The following LDB2 variants were observed in gnomAD, a reference collection of about 807,000 sequenced individuals.
LDB2 encodes the protein LIM domain binding 2.
Under a neutral mutation model 44.3 loss-of-function variants are expected in LDB2, and 12 were observed. The ratio of observed to expected loss-of-function variants is 0.27; its 90% confidence interval spans 0.17 to 0.44. LDB2 has a LOEUF of 0.44. LDB2 is among the 20% of genes least tolerant of loss of function. The pLI is 1.00. For missense variants in LDB2, 344 were observed against 473.5 expected (o/e 0.73, Z 2.54); for synonymous variants, 164 against 174.8 (o/e 0.94, Z 0.49).
intron 2 of LDB2, among the ~76,000 whole-genome samples, chr4:16,731,443 C>T (rs1760737708): frequency 6.6e-6 from 1 of 152,128 alleles, no homozygotes; most frequent in Non-Finnish European, 1.5e-5. Context: ...AGATGAGTCC[C>T]ACCTGATGGA....
chr4:16,730,369 T>C (rs911906159), intron 2 of LDB2, among the ~76,000 whole-genome samples: 2 of 152,226 alleles, frequency 1.3e-5, no homozygotes, highest in Non-Finnish European at 2.9e-5. Context: ...CTGTCTCACC[T>C]GTACACTCTA....
intron 5 of LDB2, among the ~76,000 whole-genome samples, chr4:16,579,546 A>T (rs1713422327): frequency 6.6e-6 from 1 of 152,206 alleles, no homozygotes; most frequent in Non-Finnish European, 1.5e-5. Context: ...AAAATTTAAC[A>T]TCGGGAGCTC....
chr4:16,603,036 G>A (rs900849744), intron 2 of LDB2, among the ~76,000 whole-genome samples: 1 of 152,078 alleles, frequency 6.6e-6, no homozygotes, highest in African/African-American at 2.4e-5. Context: ...CCATTATTTC[G>A]ACATATTCAG....
At chr4:16,812,995 A>C (rs1036277623) in intron 1 of LDB2, among the ~76,000 whole-genome samples, 1 of 151,180 alleles carries the variant, frequency 6.6e-6, no homozygotes, top group African/African-American at 2.5e-5. Context: ...GCCTCAGTTT[A>C]CTCTTTTTTT....
At chr4:16,733,353 GAAAAAA>G (rs75067360) in intron 2 of LDB2, among the ~76,000 whole-genome samples, 1 of 145,854 alleles carries the variant, frequency 6.9e-6, no homozygotes, top group Non-Finnish European at 1.5e-5. Context: ...TAAGAATTTG[GAAAAAA>G]AAAAAAAGTT....
chr4:16,694,720 C>A (rs1751684898), intron 2 of LDB2, among the ~76,000 whole-genome samples: 1 of 152,160 alleles, frequency 6.6e-6, no homozygotes, highest in Non-Finnish European at 1.5e-5. Context: ...CATCACATGG[C>A]CAAGAGTCAT....
intron 1 of LDB2, among the ~76,000 whole-genome samples, chr4:16,843,223 G>A (rs1288426219): frequency 1.3e-5 from 2 of 152,090 alleles, no homozygotes; most frequent in Admixed American, 1.3e-4. Context: ...TAAACAGTAA[G>A]ATTATTTTCA....
chr4:16,792,378 CTT>C (rs2109620452), intron 1 of LDB2, among the ~76,000 whole-genome samples: 1 of 152,336 alleles, frequency 6.6e-6, no homozygotes, highest in African/African-American at 2.4e-5. Context: ...TGATTTGTCT[CTT>C]TAATTACCTG....
intron 1 of LDB2, among the ~76,000 whole-genome samples, chr4:16,829,436 AAC>A (rs1561371600): frequency 6.6e-6 from 1 of 152,232 alleles, no homozygotes; most frequent in Non-Finnish European, 1.5e-5. Context: ...TTTATTTGAA[AAC>A]ACAATTTATT....
At chr4:16,690,448 G>A (rs1282513903) in intron 2 of LDB2, among the ~76,000 whole-genome samples, 1 of 122,448 alleles carries the variant, frequency 8.2e-6, no homozygotes, top group African/African-American at 2.9e-5. Context: ...GGCAACCGGA[G>A]GAAGACCCTG....
At chr4:16,820,054 A>G (rs1393630613) in intron 1 of LDB2, among the ~76,000 whole-genome samples, 2 of 152,216 alleles carry the variant, frequency 1.3e-5, no homozygotes, top group Non-Finnish European at 2.9e-5. Context: ...TATGCTGCAA[A>G]ATATTAATTT....
At chr4:16,752,372 A>G (rs747471951) in intron 2 of LDB2, 1 of 448,752 alleles carries the variant, frequency 2.2e-6, no homozygotes, top group Non-Finnish European at 4.5e-6. Context: ...AGATGTGGTA[A>G]TTGTAATTGT....
At chr4:16,529,922 A>G (rs935340552) in intron 5 of LDB2, among the ~76,000 whole-genome samples, 2 of 152,168 alleles carry the variant, frequency 1.3e-5, no homozygotes, top group Non-Finnish European at 2.9e-5. Flanking sequence ...TGTGTTCTTT[A>G]TGCCCTCTGG....
intron 1 of LDB2, among the ~76,000 whole-genome samples, chr4:16,843,838 G>A (rs1054591822): frequency 1.3e-5 from 2 of 151,918 alleles, no homozygotes; most frequent in African/African-American, 4.8e-5. Flanking sequence ...GGCCAGCCTC[G>A]AACTCCTGAC....
chr4:16,780,215 AATTTT>A (rs1772882554), intron 1 of LDB2, among the ~76,000 whole-genome samples: 1 of 152,064 alleles, frequency 6.6e-6, no homozygotes, highest in East Asian at 1.9e-4. Context: ...GATGATTTCT[AATTTT>A]TTTTATTTTA....
At chr4:16,885,485 T>C (rs1721402213) in intron 1 of LDB2, among the ~76,000 whole-genome samples, 1 of 152,156 alleles carries the variant, frequency 6.6e-6, no homozygotes, top group Non-Finnish European at 1.5e-5. Context: ...TTTGATCCAG[T>C]AAGGAAAACA....
At chr4:16,749,738 G>A (rs141430652) in intron 2 of LDB2, among the ~76,000 whole-genome samples, 1 of 151,952 alleles carries the variant, frequency 6.6e-6, no homozygotes, top group Admixed American at 6.6e-5. Flanking sequence ...GTTTAATAAT[G>A]TGCCTGTGGG....
intron 2 of LDB2, among the ~76,000 whole-genome samples, chr4:16,679,747 A>C (rs1747333848): frequency 6.6e-6 from 1 of 152,082 alleles, no homozygotes; most frequent in Non-Finnish European, 1.5e-5. Context: ...TTCGTAAAGG[A>C]GGAGCTGATG....
chr4:16,770,121 T>C (rs76060678), intron 1 of LDB2, among the ~76,000 whole-genome samples: 4,818 of 152,284 alleles, frequency 0.032, 114 homozygotes, highest in East Asian at 0.079. Flanking sequence ...CAATTGAGCT[T>C]TTTTTGCTAC....
Sources: gnomAD v4.1 joint callset for allele counts (sites outside exome capture counted in the v4.1 genomes callset) on GRCh38, gnomAD v4.1.1 for gene constraint, MANE v1.5 for transcripts, NCBI Gene and HGNC (gene_info 2026-07-23, HGNC 2026-07-21) for gene names.